MYO5B: variants seen among roughly 807,000 people sequenced by gnomAD.
The protein encoded by MYO5B is myosin VB.
MYO5B carries 143 observed loss-of-function variants against 229.3 expected under a neutral mutation model. The ratio of observed to expected loss-of-function variants is 0.62; its 90% CI spans 0.54 to 0.72. The LOEUF (loss-of-function observed/expected upper bound fraction) is 0.72. Among genes scored for constraint, MYO5B ranks in the 30% least tolerant of loss-of-function variants. The pLI is 0.00. For synonymous variants in MYO5B, 918 were observed against 885.2 expected (o/e 1.04, Z -0.66); for missense variants, 2,321 against 2,331.0 (o/e 1.00, Z 0.09).
intron 5 of MYO5B, 40 bp from the exon 6 acceptor site, chr18:49,992,471 G>C (rs369816166): frequency 2.5e-6 from 4 of 1,613,742 alleles, no homozygotes; most frequent in East Asian, 2.2e-5. Context: ...AAAAAAAAGA[G>C]GGCTTTCTTG....
intron 33 of MYO5B, among the ~76,000 whole-genome samples, chr18:49,845,050 C>T (rs2024108165): frequency 6.6e-6 from 1 of 152,254 alleles, no homozygotes. Context: ...TTCCTGGGGC[C>T]ACCTGAGCAA....
At chr18:50,093,756 G>A (rs2031496176) in intron 1 of MYO5B, among the ~76,000 whole-genome samples, 1 of 149,740 alleles carries the variant, frequency 6.7e-6, no homozygotes, top group Admixed American at 6.7e-5. Context: ...TAATTATACT[G>A]CGTTAATATG....
intron 13 of MYO5B, among the ~76,000 whole-genome samples, chr18:49,953,706 CA>C (rs2025453649): frequency 6.6e-6 from 1 of 152,120 alleles, no homozygotes; most frequent in Non-Finnish European, 1.5e-5. Flanking sequence ...TAGTGCATAG[CA>C]AACAGAAATC....
chr18:49,962,474 C>T (rs1323297199), intron 11 of MYO5B, 68 bp from the exon 12 acceptor site: 5 of 1,603,752 alleles, frequency 3.1e-6, no homozygotes, highest in African/African-American at 1.3e-5. Context: ...CCCCCAGGGG[C>T]TCAGTGAGTT....
chr18:50,158,822 C>T (rs953024205), intron 1 of MYO5B, among the ~76,000 whole-genome samples: 1 of 152,182 alleles, frequency 6.6e-6, no homozygotes, highest in Non-Finnish European at 1.5e-5. Flanking sequence ...TTATCAACCT[C>T]CTGGCACATT....
chr18:50,096,718 A>G (rs1265556577), intron 1 of MYO5B, among the ~76,000 whole-genome samples: 1 of 152,090 alleles, frequency 6.6e-6, no homozygotes, highest in African/African-American at 2.4e-5. Flanking sequence ...TTCACAATAC[A>G]TACTCTTAAA....
chr18:49,836,611 G>A, intron 38 of MYO5B, 100 bp downstream of exon 38: 2 of 1,354,674 alleles, frequency 1.5e-6, no homozygotes, highest in East Asian at 2.3e-5. Flanking sequence ...TAAAGGGTGG[G>A]AGTGCAACAC....
chr18:49,984,744 T>C lies in MYO5B; in HGVS notation c.920A>G (p.Lys307Arg). The C allele has an allele frequency of 6.2e-7, 1 of 1,613,536 alleles. No individual in the cohort carries two copies. The highest frequency in any genetic ancestry group is 8.5e-7 in the Non-Finnish European group (1 of 1,179,438). Residue 307 changes from lysine to arginine, a missense_variant, in exon 8 of 40, where the codon AAG becomes AGG. Lys to Arg is a conservative substitution (Grantham distance 26). This residue lies in a region of MYO5B where 2,113 missense variants were observed against 2,044.7 expected (regional missense o/e 1.03). Transcript: ENST00000285039. ...EGVDDAEDFE[K>R]TRQAFTLLGV... ...GAGGAGTGTGAAGGCTTGTCGAGTC[T>C]TCTCAAAGTCCTCAGCATCGTCCAC... is the stretch of plus-strand genomic sequence containing the variant.
Position 49,825,300 on chromosome 18 carries a change from T to C in MYO5B, c.*1171A>G, listed in dbSNP as rs565619379. On this transcript the variant is annotated 3_prime_UTR_variant, in exon 40 of 40. Coordinates refer to ENST00000285039, the MANE Select transcript of MYO5B (RefSeq NM_001080467.3). ...AAGCCTGTTATATTACTGAATTACT[T>C]TTTTAAAATCCTTATTTTGTGGGAG... The C allele has an allele frequency of 1.3e-5, 2 of 152,346 alleles. No individual in the cohort carries two copies. The highest frequency in any genetic ancestry group is 1.3e-4 in the Admixed American group (2 of 15,306). The allele number at this position is 152,346 out of a possible 1,614,324, so 9.4% of individuals were successfully genotyped here. A position where few individuals can be genotyped will look rare whatever the true frequency, so the allele number is the denominator to read the frequency against.
chr18:50,101,942 T>C (rs543725993), intron 1 of MYO5B, among the ~76,000 whole-genome samples: 94 of 152,210 alleles, frequency 6.2e-4, no homozygotes, highest in Non-Finnish European at 1.1e-3. Flanking sequence ...CGTATGTTTA[T>C]TGTAGCACTA....
chr18:49,947,327 G>T (rs941741258), intron 14 of MYO5B, among the ~76,000 whole-genome samples: 1 of 151,754 alleles, frequency 6.6e-6, no homozygotes, highest in Non-Finnish European at 1.5e-5. Flanking sequence ...GGATGGTCTT[G>T]ATCTCCTGAC....
At chr18:50,142,561 A>G (rs1463579779) in intron 1 of MYO5B, among the ~76,000 whole-genome samples, 1 of 152,146 alleles carries the variant, frequency 6.6e-6, no homozygotes, top group Non-Finnish European at 1.5e-5. Flanking sequence ...TTTAAAACCA[A>G]GGTATATAGG....
intron 1 of MYO5B, among the ~76,000 whole-genome samples, chr18:50,111,469 T>C (rs1006514399): frequency 8.0e-5 from 12 of 150,712 alleles, no homozygotes; most frequent in Middle Eastern, 3.4e-3. Context: ...TCTCATTCTC[T>C]TTGAAAGTTC....
At chr18:49,831,293 T>G (rs1001102440) in intron 39 of MYO5B, among the ~76,000 whole-genome samples, 3 of 152,076 alleles carry the variant, frequency 2.0e-5, no homozygotes, top group Non-Finnish European at 4.4e-5. Flanking sequence ...AATTTAAAAC[T>G]CCTGCATCAA....
At chr18:50,098,238 C>T (rs1174487163) in intron 1 of MYO5B, among the ~76,000 whole-genome samples, 2 of 152,160 alleles carry the variant, frequency 1.3e-5, no homozygotes, top group African/African-American at 2.4e-5. Context: ...CCAACAGATT[C>T]GTGGAAACAC....
intron 1 of MYO5B, among the ~76,000 whole-genome samples, chr18:50,060,885 T>C (rs2030670364): frequency 6.6e-6 from 1 of 152,354 alleles, no homozygotes; most frequent in East Asian, 1.9e-4. Flanking sequence ...TAGTGTTTTC[T>C]GAAGCTCCCC....
At chr18:49,997,697 T>C (rs984757829) in intron 5 of MYO5B, among the ~76,000 whole-genome samples, 2 of 152,116 alleles carry the variant, frequency 1.3e-5, no homozygotes, top group African/African-American at 4.8e-5. Flanking sequence ...CAATAAATCA[T>C]CCCAGTGCAC....
At chr18:49,850,297 C>T (rs2024184264) in intron 31 of MYO5B, 1 of 158,650 alleles carries the variant, frequency 6.3e-6, no homozygotes, top group Non-Finnish European at 1.4e-5. Context: ...AGCCCTGCTC[C>T]ATCCACCACT....
chr18:50,096,213 T>C (rs2031547238), intron 1 of MYO5B, among the ~76,000 whole-genome samples: 1 of 152,168 alleles, frequency 6.6e-6, no homozygotes, highest in African/African-American at 2.4e-5. Flanking sequence ...GAAAGGCAGC[T>C]CCATGATTCA....
Sources: gnomAD v4.1 joint callset for allele counts (sites outside exome capture counted in the v4.1 genomes callset) on GRCh38, gnomAD v4.1.1 for gene constraint, gnomAD v4.1.1 regional missense constraint, MANE v1.5 for transcripts, NCBI Gene and HGNC (gene_info 2026-07-23, HGNC 2026-07-21) for gene names.